Variants in SERINC5 observed in about 807,000 individuals in gnomAD.
The protein encoded by SERINC5 is chromosome 5 open reading frame 12.
Under a neutral mutation model 63.1 loss-of-function variants are expected in SERINC5, and 41 were observed. The observed-to-expected ratio is 0.65, with a 90% CI of 0.51 to 0.84. The LOEUF (loss-of-function observed/expected upper bound fraction) is 0.84, where lower values mean the gene tolerates loss of function less well. SERINC5 is among the 40% of genes least tolerant of loss of function. The pLI, the probability that SERINC5 is intolerant of heterozygous loss-of-function variation, is 0.00. For missense variants in SERINC5, 523 were observed against 573.0 expected (o/e 0.91, Z 0.89); for synonymous variants, 222 against 215.2 (o/e 1.03, Z -0.28).
intron 5 of SERINC5, among the ~76,000 whole-genome samples, chr5:80,174,369 AAATAATAATAAT>A (rs55865818): frequency 2.8e-4 from 37 of 131,708 alleles, no homozygotes; most frequent in African/African-American, 9.7e-4. Context: ...CCCATCTCAA[AAATAATAATAAT>A]AATAATAATA....
At position 80,196,262 on chromosome 5, in the gene SERINC5, G is replaced by A. The variant is rs186015763; in HGVS notation, c.195+6624C>T. On this transcript the variant is annotated intron_variant, in intron 2 of 11. Transcript: ENST00000507668. ...CAAGCTGCCCCAGGGGAAAGCAAGC[G>A]AACGGGAAGGGCAGAGGGCAGTGTT... 7.9e-5 allele frequency among the ~76,000 whole-genome samples: 12 copies of A among 152,178 alleles called. No individual in the cohort carries two copies. In the East Asian group the frequency reaches 1.4e-3, roughly 17 times the overall value.
chr5:80,153,822 AG>A (rs1746342881), intron 8 of SERINC5, among the ~76,000 whole-genome samples: 1 of 151,916 alleles, frequency 6.6e-6, no homozygotes, highest in Non-Finnish European at 1.5e-5. Context: ...AAAAAAAAAA[AG>A]AAAAGCCGTG....
At chr5:80,123,758 G>A (rs1445011125) in intron 11 of SERINC5, among the ~76,000 whole-genome samples, 1 of 152,140 alleles carries the variant, frequency 6.6e-6, no homozygotes. Context: ...CTGAGAACGT[G>A]CAGGGTCCAT....
chr5:80,218,887 G>C (rs1315743875), intron 1 of SERINC5, among the ~76,000 whole-genome samples: 1 of 151,932 alleles, frequency 6.6e-6, no homozygotes, highest in African/African-American at 2.4e-5. Flanking sequence ...CCATTCCACT[G>C]CCCAGTAACA....
chr5:80,173,888 A>C (rs1187237037), intron 5 of SERINC5, among the ~76,000 whole-genome samples: 1 of 152,116 alleles, frequency 6.6e-6, no homozygotes, highest in Non-Finnish European at 1.5e-5. Flanking sequence ...AAATCCAAAA[A>C]AAGTCTTTAC....
chr5:80,234,821 C>G (rs543712902), intron 1 of SERINC5, among the ~76,000 whole-genome samples: 16 of 152,310 alleles, frequency 1.1e-4, no homozygotes, highest in South Asian at 4.1e-4. Context: ...TTGGGTTCAT[C>G]ATAGACACAG....
At position 80,142,357 on chromosome 5, in the gene SERINC5, C is replaced by T. The variant is rs1050653514; in HGVS notation, c.*1306G>A. 2.8e-5 allele frequency: 24 copies of T among 863,476 alleles called. No homozygotes were observed. The highest frequency in any genetic ancestry group is 1.1e-4 in the South Asian group (2 of 18,864). 53.5% of individuals were successfully genotyped at this position (863,476 alleles called of 1,614,324 possible). On this transcript the variant is annotated 3_prime_UTR_variant, in exon 12 of 12. Coordinates refer to ENST00000507668, the MANE Select transcript of SERINC5 (RefSeq NM_001174072.3). ...CAAGTGATTCTCATGCCTCAGCCTT[C>T]GAGTAGCTGGCATTACAGGCACACG... is the stretch of plus-strand genomic sequence containing the variant.
At chr5:80,137,555 T>C (rs116610790), downstream of SERINC5, among the ~76,000 whole-genome samples, 5,430 of 149,616 alleles carry the variant, frequency 0.036, 124 homozygotes, top group East Asian at 0.074. Flanking sequence ...GGCAGGAAAA[T>C]TGCCTTGAAC....
chr5:80,150,282 G>A (rs1746088083), intron 9 of SERINC5, among the ~76,000 whole-genome samples: 1 of 152,134 alleles, frequency 6.6e-6, no homozygotes, highest in Non-Finnish European at 1.5e-5. Flanking sequence ...GAAGAGCGCA[G>A]GGTGCAGCCT....
At chr5:80,212,036 T>C (rs1190398957) in intron 1 of SERINC5, among the ~76,000 whole-genome samples, 2 of 152,198 alleles carry the variant, frequency 1.3e-5, no homozygotes, top group East Asian at 3.9e-4. Context: ...GACAGCCAAG[T>C]TGGCTTTCAT....
At chr5:80,152,131 T>C (rs1746229826) in intron 8 of SERINC5, among the ~76,000 whole-genome samples, 1 of 152,232 alleles carries the variant, frequency 6.6e-6, no homozygotes, top group Non-Finnish European at 1.5e-5. Context: ...CTCCTGACTG[T>C]GTGCCTGGTC....
At position 80,141,041 on chromosome 5, in the gene SERINC5, T is replaced by C; in HGVS notation, c.*2622A>G. The C allele has an allele frequency of 1.0e-6, 1 of 985,394 alleles. No individual in the cohort carries two copies. The highest frequency in any genetic ancestry group is 1.2e-6 in the Non-Finnish European group (1 of 829,878). The allele number at this position is 985,394 out of a possible 1,614,324, so 61.0% of individuals were successfully genotyped here. A position where few individuals can be genotyped will look rare whatever the true frequency, so the allele number is the denominator to read the frequency against. On this transcript the variant is annotated 3_prime_UTR_variant, in exon 12 of 12. Coordinates refer to ENST00000507668, the MANE Select transcript of SERINC5 (RefSeq NM_001174072.3). ...CTCAAATCACAATTGCACAAAACTG[T>C]AGATTCTTTAAATCCAGGAATGTTG...
At chr5:80,211,357 C>T (rs530604314) in intron 1 of SERINC5, among the ~76,000 whole-genome samples, 1 of 151,430 alleles carries the variant, frequency 6.6e-6, no homozygotes, top group South Asian at 2.1e-4. Context: ...TGATCAGCAG[C>T]ACACAGCACA....
chr5:80,241,970 T>C (rs1056900470), intron 1 of SERINC5, among the ~76,000 whole-genome samples: 12 of 148,400 alleles, frequency 8.1e-5, no homozygotes, highest in African/African-American at 3.0e-4. Flanking sequence ...CAAAAGAGAA[T>C]TAAAAAAAAA....
chr5:80,155,085 G>A (rs1435140519), intron 8 of SERINC5, among the ~76,000 whole-genome samples: 4 of 152,204 alleles, frequency 2.6e-5, no homozygotes, highest in African/African-American at 9.6e-5. Context: ...CATGTACAAT[G>A]AGGAGACTGA....
intron 11 of SERINC5, among the ~76,000 whole-genome samples, chr5:80,144,801 T>C (rs781009422): frequency 6.6e-6 from 1 of 152,208 alleles, no homozygotes; most frequent in Non-Finnish European, 1.5e-5. Context: ...TCCTGCCTCA[T>C]AGAACCGTGT....
chr5:80,152,246 A>G (rs1343432312), intron 8 of SERINC5, among the ~76,000 whole-genome samples: 1 of 152,154 alleles, frequency 6.6e-6, no homozygotes, highest in Non-Finnish European at 1.5e-5. Flanking sequence ...CACACCTGTA[A>G]TCTCAGCACT....
At chr5:80,123,186 C>T (rs2405135) in intron 11 of SERINC5, among the ~76,000 whole-genome samples, 25,488 of 152,150 alleles carry the variant, frequency 0.17, 2,294 homozygotes, top group Middle Eastern at 0.22. Context: ...ACCTCAAAAT[C>T]GTGGGCTCAA....
chr5:80,168,307 G>T (rs1437445103), intron 6 of SERINC5, among the ~76,000 whole-genome samples: 1 of 151,894 alleles, frequency 6.6e-6, no homozygotes, highest in Non-Finnish European at 1.5e-5. Context: ...CAATTCTCCT[G>T]CCTCTCAGCC....
Sources: gnomAD v4.1 joint callset for allele counts (sites outside exome capture counted in the v4.1 genomes callset) on GRCh38, gnomAD v4.1.1 for gene constraint, MANE v1.5 for transcripts, NCBI Gene and HGNC (gene_info 2026-07-23, HGNC 2026-07-21) for gene names.